ABLIM2: variants seen among roughly 807,000 people sequenced by gnomAD.
ABLIM2 encodes the protein actin binding LIM protein family member 2, also known as actin-binding LIM protein 2.
A neutral mutation model predicts 97.7 loss-of-function variants in ABLIM2; 53 were observed. The ratio of observed to expected loss-of-function variants is 0.54; its 90% CI spans 0.44 to 0.68. ABLIM2 has a LOEUF of 0.68. Among genes scored for constraint, ABLIM2 ranks in the 30% least tolerant of loss-of-function variants. The pLI, the probability that ABLIM2 is intolerant of heterozygous loss-of-function variation, is 0.00. For missense variants in ABLIM2, 835 were observed against 867.2 expected (o/e 0.96, Z 0.47); for synonymous variants, 361 against 345.8 (o/e 1.04, Z -0.49).
chr4:8,117,930 A>G (rs1287701009), intron 1 of ABLIM2, among the ~76,000 whole-genome samples: 1 of 152,346 alleles, frequency 6.6e-6, no homozygotes, highest in East Asian at 1.9e-4. Context: ...AGGACAGTTC[A>G]AGGGAATCAA....
At position 7,986,049 on chromosome 4, in the gene ABLIM2, G is replaced by C. The variant is rs1456896811; in HGVS notation, c.1681-1156C>G. Among the ~76,000 whole-genome samples the C allele has an allele frequency of 1.3e-5, 2 of 152,190 alleles. No homozygotes were observed. The highest frequency in any genetic ancestry group is 2.9e-5 in the Non-Finnish European group (2 of 68,034). On this transcript the variant is annotated intron_variant, in intron 17 of 20. Transcript: ENST00000447017. The surrounding 1 kb of genome is among the most constrained non-coding windows in gnomAD (Gnocchi z 4.3). ...TGGCTGCCCGCGGTGGACGGAGCCT[G>C]TTGAAGAAAATGTCTTATTCACGCT...
At chr4:8,109,304 G>A (rs567985956) in intron 1 of ABLIM2, among the ~76,000 whole-genome samples, 8 of 152,342 alleles carry the variant, frequency 5.3e-5, no homozygotes, top group South Asian at 2.1e-4. Flanking sequence ...CAGGTGGGCC[G>A]AGGGATGTGG....
At chr4:7,977,790 C>CAATA (rs10660218) in intron 20 of ABLIM2, among the ~76,000 whole-genome samples, 24,561 of 141,920 alleles carry the variant, frequency 0.17, 2,194 homozygotes, top group Non-Finnish European at 0.2. Context: ...GACTCTGTCT[C>CAATA]AATAAATAAA....
At chr4:8,135,791 G>A (rs1195452753) in intron 1 of ABLIM2, among the ~76,000 whole-genome samples, 2 of 152,212 alleles carry the variant, frequency 1.3e-5, no homozygotes, top group African/African-American at 4.8e-5. Flanking sequence ...CATGGGCAAG[G>A]GGCCTCTCAC....
intron 1 of ABLIM2, among the ~76,000 whole-genome samples, chr4:8,126,052 A>T (rs1390755295): frequency 6.6e-6 from 1 of 152,160 alleles, no homozygotes; most frequent in Non-Finnish European, 1.5e-5. Context: ...GGTCAGGCAG[A>T]ATCAGGGCTC....
chr4:8,099,466 A>G (rs1055316232), intron 2 of ABLIM2, among the ~76,000 whole-genome samples: 4 of 152,168 alleles, frequency 2.6e-5, no homozygotes, highest in African/African-American at 9.7e-5. Context: ...GCAAGTGAGC[A>G]TGTCCAGCCC....
chr4:8,031,828 G>A (rs991724565), intron 10 of ABLIM2, among the ~76,000 whole-genome samples: 1 of 151,650 alleles, frequency 6.6e-6, no homozygotes, highest in South Asian at 2.1e-4. Flanking sequence ...GGGTTCAAGC[G>A]ATTCTCCTGC....
chr4:8,110,539 TAGCAACCAACCC>T (rs1314670153), intron 1 of ABLIM2, among the ~76,000 whole-genome samples: 1 of 151,490 alleles, frequency 6.6e-6, no homozygotes, highest in African/African-American at 2.4e-5. Flanking sequence ...AATGTTCCCA[TAGCAACCAACCC>T]AGCAAACAAC....
rs920704320 is a variant in ABLIM2, at chr4:8,150,587, G to A, written c.10+8093C>T. The stretch of plus-strand genomic sequence containing the variant: ...GAGAAACCAAAGTCCCAAACTTCCA[G>A]CACAGGGTGCGAGCTCCGTGCCGGA... On this transcript the variant is annotated intron_variant, in intron 1 of 20. Coordinates refer to ENST00000447017, the MANE Select transcript of ABLIM2 (RefSeq NM_001130083.2). This position sits in a 1 kb window ranked among gnomAD's most constrained non-coding sequence, Gnocchi z 6.3. 1.3e-5 allele frequency among the ~76,000 whole-genome samples: 2 copies of A among 152,226 alleles called. No individual in the cohort carries two copies. Among genetic ancestry groups the A allele is most frequent in the African/African-American group, 4.8e-5 (2 of 41,460 alleles).
At chr4:8,096,662 CTTCT>C (rs1408688382) in intron 3 of ABLIM2, among the ~76,000 whole-genome samples, 5 of 152,216 alleles carry the variant, frequency 3.3e-5, no homozygotes, top group Non-Finnish European at 5.9e-5. Context: ...TCATGTTTCT[CTTCT>C]TTGTTTTCTA....
At chr4:8,078,447 G>C (rs986644866) in intron 5 of ABLIM2, among the ~76,000 whole-genome samples, 4 of 152,238 alleles carry the variant, frequency 2.6e-5, no homozygotes, top group Non-Finnish European at 5.9e-5. Flanking sequence ...GGCTTCCTCC[G>C]AGTCTCCATA....
intron 5 of ABLIM2, among the ~76,000 whole-genome samples, chr4:8,079,768 G>A (rs1347806529): frequency 3.3e-5 from 5 of 152,210 alleles, no homozygotes; most frequent in African/African-American, 1.2e-4. Flanking sequence ...GTGCGTGTGT[G>A]TGTGTGTGCG....
chr4:8,101,012 C>A (rs991161196), intron 2 of ABLIM2, among the ~76,000 whole-genome samples: 1 of 152,136 alleles, frequency 6.6e-6, no homozygotes, highest in Non-Finnish European at 1.5e-5. Flanking sequence ...GAGACTCAGA[C>A]CAGGGGAAAG....
rs938919438 is a variant in ABLIM2 at position 8,150,972 on chromosome 4, C to T, written c.10+7708G>A. Among the ~76,000 whole-genome samples the T allele has an allele frequency of 4.6e-5, 7 of 152,202 alleles. No homozygotes were observed. The highest frequency in any genetic ancestry group is 1.7e-4 in the African/African-American group (7 of 41,442). ...ATTTACAGCTGTGACAAAGGCCATT[C>T]TGCCCGTTCCCTGGTGCCTGCCGTG... is the stretch of plus-strand genomic sequence containing the variant. On this transcript the variant is annotated intron_variant, in intron 1 of 20. Transcript: ENST00000447017. The surrounding 1 kb of genome is among the most constrained non-coding windows in gnomAD (Gnocchi z 6.3).
chr4:8,129,131 T>G (rs1104756), intron 1 of ABLIM2, among the ~76,000 whole-genome samples: 37,758 of 152,144 alleles, frequency 0.25, 6,399 homozygotes, highest in African/African-American at 0.49. Context: ...CATGGTGGGC[T>G]TGTCTAGGCA....
rs1578546260 is a variant in ABLIM2 at position 8,150,372 on chromosome 4, G to C, written c.10+8308C>G. Among the ~76,000 whole-genome samples the C allele has an allele frequency of 6.6e-6, 1 of 152,174 alleles. No homozygotes were observed. On this transcript the variant is annotated intron_variant, in intron 1 of 20. Coordinates refer to ENST00000447017, the MANE Select transcript of ABLIM2 (RefSeq NM_001130083.2). This position sits in a 1 kb window ranked among gnomAD's most constrained non-coding sequence, Gnocchi z 6.3. The stretch of plus-strand genomic sequence containing the variant: ...CATCCTCCACTCCTTGGGTGTTCAC[G>C]AAATGCCTCCTCTCATTCTACCTGA...
At chr4:8,041,970 ACAACAG>A (rs1175027388) in intron 9 of ABLIM2, among the ~76,000 whole-genome samples, 2 of 151,924 alleles carry the variant, frequency 1.3e-5, no homozygotes, top group Non-Finnish European at 2.9e-5. Flanking sequence ...GGTTCCAACA[ACAACAG>A]CAGCAACAAC....
At chr4:8,131,760 T>A in intron 1 of ABLIM2, among the ~76,000 whole-genome samples, 1 of 46,566 alleles carries the variant, frequency 2.1e-5, no homozygotes, top group Admixed American at 2.1e-4. Flanking sequence ...CCCGCATCCC[T>A]GAGCACAGCA....
At chr4:8,157,677 C>A (rs1715817653) in intron 1 of ABLIM2, among the ~76,000 whole-genome samples, 1 of 152,280 alleles carries the variant, frequency 6.6e-6, no homozygotes, top group Admixed American at 6.5e-5. Flanking sequence ...AGCGGCTGTC[C>A]CCATTGGTTT....
Sources: allele counts gnomAD v4.1 joint callset (sites outside exome capture counted in the v4.1 genomes callset), GRCh38; gene constraint gnomAD v4.1.1; non-coding constraint Gnocchi (gnomAD v3.1); transcripts MANE v1.5; gene names NCBI Gene and HGNC (gene_info 2026-07-23, HGNC 2026-07-21).